MEI4: variants seen among roughly 807,000 people sequenced by gnomAD.
MEI4 encodes the protein meiosis-specific protein MEI4.
A neutral mutation model predicts 31.4 loss-of-function variants in MEI4; 27 were observed. The observed-to-expected ratio is 0.86, with a 90% CI of 0.63 to 1.19. The LOEUF is 1.19. MEI4 is among the 50% of genes most tolerant of loss of function. MEI4 has a pLI of 0.00. For synonymous variants in MEI4, 122 were observed against 145.4 expected (o/e 0.84, Z 1.16); for missense variants, 329 against 398.9 (o/e 0.82, Z 1.49).
chr6:77,675,504 G>A (rs1177905518), intron 1 of MEI4, among the ~76,000 whole-genome samples: 1 of 150,112 alleles, frequency 6.7e-6, no homozygotes, highest in East Asian at 2.0e-4. Context: ...AGGCATTTTA[G>A]ATGGTTAAGA....
intron 1 of MEI4, among the ~76,000 whole-genome samples, chr6:77,689,858 A>G (rs1372430598): frequency 6.6e-6 from 1 of 152,052 alleles, no homozygotes; most frequent in Non-Finnish European, 1.5e-5. Context: ...AGCACATTTT[A>G]TGTGCACAAC....
chr6:77,873,938 G>A (rs934622302), intron 4 of MEI4, among the ~76,000 whole-genome samples: 122 of 152,176 alleles, frequency 8.0e-4, no homozygotes, highest in African/African-American at 2.7e-3. Context: ...TATTTCTGAG[G>A]GCTCTGTTCT....
chr6:77,805,845 C>G (rs1359456072), intron 3 of MEI4, among the ~76,000 whole-genome samples: 1 of 151,996 alleles, frequency 6.6e-6, no homozygotes, highest in South Asian at 2.1e-4. Context: ...CAAGGACTTA[C>G]ATGAAGATTT....
At chr6:77,730,335 C>T (rs1041288280) in intron 2 of MEI4, among the ~76,000 whole-genome samples, 1 of 152,078 alleles carries the variant, frequency 6.6e-6, no homozygotes, top group Non-Finnish European at 1.5e-5. Flanking sequence ...ATGACTTTGA[C>T]CTTATTCTAT....
chr6:77,656,065 G>A (rs1017209870), intron 1 of MEI4, among the ~76,000 whole-genome samples: 1 of 152,052 alleles, frequency 6.6e-6, no homozygotes, highest in Non-Finnish European at 1.5e-5. Flanking sequence ...TATTCAGTGA[G>A]CTCATTCTTC....
intron 2 of MEI4, among the ~76,000 whole-genome samples, chr6:77,754,317 G>A (rs1767859415): frequency 1.3e-5 from 2 of 152,198 alleles, no homozygotes; most frequent in East Asian, 1.9e-4. Flanking sequence ...AGATCTCTAC[G>A]GCAGAGGCAA....
rs545981896 is a variant in MEI4 at position 77,670,025 on chromosome 6, A to T, written c.-15+16933A>T. 2.6e-5 allele frequency among the ~76,000 whole-genome samples: 4 copies of T among 152,288 alleles called. No homozygotes were observed. In the South Asian group the frequency reaches 8.3e-4, roughly 32 times the overall value. ...TTAAGTTTGTTCTCATCTCAGACAG[A>T]TCCATGCAGCTTAAGCTTGAGTAAC... On this transcript the variant is annotated intron_variant, in intron 1 of 4. Transcript: ENST00000684080.
chr6:77,651,687 TC>T (rs1461145317), upstream of MEI4, among the ~76,000 whole-genome samples: 3 of 152,184 alleles, frequency 2.0e-5, no homozygotes, highest in African/African-American at 7.2e-5. Context: ...GAGGACTTAG[TC>T]CTTCAGAAGA....
chr6:77,830,893 T>C (rs1770062770), intron 4 of MEI4, among the ~76,000 whole-genome samples: 1 of 151,488 alleles, frequency 6.6e-6, no homozygotes. Flanking sequence ...AAAGCAAAAA[T>C]AGACAAATGA....
At chr6:77,812,110 A>G (rs1468829609) in intron 3 of MEI4, among the ~76,000 whole-genome samples, 2 of 152,292 alleles carry the variant, frequency 1.3e-5, no homozygotes, top group South Asian at 2.1e-4. Context: ...TATAGCTAAA[A>G]TACGTGGCTT....
At chr6:77,894,851 C>T (rs1452596559) in intron 4 of MEI4, among the ~76,000 whole-genome samples, 1 of 152,158 alleles carries the variant, frequency 6.6e-6, no homozygotes, top group East Asian at 1.9e-4. Flanking sequence ...TGATGCTTCT[C>T]CAACAAATCT....
intron 3 of MEI4, among the ~76,000 whole-genome samples, chr6:77,787,545 C>T (rs1200653634): frequency 6.6e-6 from 1 of 152,056 alleles, no homozygotes; most frequent in Non-Finnish European, 1.5e-5. Flanking sequence ...GCCCAGGGAT[C>T]CAACAAGAGA....
chr6:77,857,909 C>A (rs1459381830), intron 4 of MEI4, among the ~76,000 whole-genome samples: 5 of 152,178 alleles, frequency 3.3e-5, no homozygotes, highest in Non-Finnish European at 5.9e-5. Flanking sequence ...CACTTCTGAT[C>A]AGATGTACTC....
At chr6:77,793,199 T>C (rs1768985062) in intron 3 of MEI4, among the ~76,000 whole-genome samples, 2 of 152,152 alleles carry the variant, frequency 1.3e-5, no homozygotes, top group South Asian at 4.1e-4. Flanking sequence ...AGGTTATCCG[T>C]AGATTTCTCA....
chr6:77,911,882 T>A (rs1458722573), intron 4 of MEI4, among the ~76,000 whole-genome samples: 1 of 151,878 alleles, frequency 6.6e-6, no homozygotes, highest in East Asian at 1.9e-4. Flanking sequence ...GTTTTTGAGG[T>A]CTTTGCCTTA....
intron 4 of MEI4, among the ~76,000 whole-genome samples, chr6:77,844,009 A>C (rs9294090): frequency 0.39 from 58,831 of 151,864 alleles, 12,372 homozygotes; most frequent in African/African-American, 0.57. Flanking sequence ...ATGGTGGTTA[A>C]GTATAGGTAT....
intron 2 of MEI4, among the ~76,000 whole-genome samples, chr6:77,735,803 T>A (rs1053548583): frequency 2.0e-5 from 3 of 152,064 alleles, no homozygotes; most frequent in Non-Finnish European, 4.4e-5. Flanking sequence ...GACGTACAGA[T>A]GGGTTTTTGG....
At chr6:77,905,475 C>CTTTTTTTTTTTTTTTTTTTTTTT (rs70974691) in intron 4 of MEI4, among the ~76,000 whole-genome samples, 1 of 93,350 alleles carries the variant, frequency 1.1e-5, no homozygotes, top group African/African-American at 3.8e-5. Flanking sequence ...AAATTTTCAG[C>CTTTTTTTTTTTTTTTTTTTTTTT]TTTTTTTTTT....
chr6:77,914,054 G>C (rs9448252), intron 4 of MEI4, among the ~76,000 whole-genome samples: 1 of 143,146 alleles, frequency 7.0e-6, no homozygotes, highest in Non-Finnish European at 1.5e-5. Context: ...AAAAACTTTC[G>C]TTGATGTTTT....
Sources: gnomAD v4.1 joint callset for allele counts (sites outside exome capture counted in the v4.1 genomes callset) on GRCh38, gnomAD v4.1.1 for gene constraint, MANE v1.5 for transcripts, NCBI Gene and HGNC (gene_info 2026-07-23, HGNC 2026-07-21) for gene names.